Variants in DGKB observed in about 807,000 individuals in gnomAD.
DGKB encodes the protein diacylglycerol kinase beta, also known as 90 kDa diacylglycerol kinase.
DGKB carries 67 observed loss-of-function variants against 114.3 expected under a neutral mutation model. The ratio of observed to expected loss-of-function variants is 0.59; its 90% CI spans 0.48 to 0.72. The LOEUF is 0.72. Among genes scored for constraint, DGKB ranks in the 30% least tolerant of loss-of-function variants. The pLI, the probability that DGKB is intolerant of heterozygous loss-of-function variation, is 0.00. For missense variants in DGKB, 907 were observed against 975.2 expected (o/e 0.93, Z 0.93); for synonymous variants, 398 against 323.1 (o/e 1.23, Z -2.49).
At position 14,886,534 on chromosome 7, in the gene DGKB, C is replaced by T. The variant is rs143963289; in HGVS notation, c.-188+16058G>A. On this transcript the variant is annotated intron_variant, in intron 1 of 25. Coordinates refer to ENST00000402815, the MANE Select transcript of DGKB (RefSeq NM_001350709.2). Reference sequence around the variant, plus strand: ...GTTGCAAATACCAGAAGGCTAAAGGCCACTCTTGACTTTTCTACATCATTT... The same window carrying T: ...GTTGCAAATACCAGAAGGCTAAAGGTCACTCTTGACTTTTCTACATCATTT... 4.0e-3 allele frequency among the ~76,000 whole-genome samples: 602 copies of T among 151,988 alleles called. 4 individuals are homozygous for T. The highest frequency in any genetic ancestry group is 0.014 in the African/African-American group (573 of 41,486).
chr7:14,190,277 T>C (rs1784106087), intron 23 of DGKB, among the ~76,000 whole-genome samples: 1 of 152,144 alleles, frequency 6.6e-6, no homozygotes, highest in Admixed American at 6.5e-5. Flanking sequence ...TTAAACAACA[T>C]CCTTTTAGAT....
At chr7:14,200,145 A>G (rs1785616324) in intron 23 of DGKB, among the ~76,000 whole-genome samples, 1 of 152,058 alleles carries the variant, frequency 6.6e-6, no homozygotes, top group South Asian at 2.1e-4. Flanking sequence ...AGTTCTTTAA[A>G]GTTGTTTAGT....
At position 14,176,828 on chromosome 7, in the gene DGKB, T is replaced by G; in HGVS notation, c.2304+11A>C. 1.9e-6 allele frequency: 3 copies of G among 1,613,786 alleles called. No individual in the cohort carries two copies. In the South Asian group the frequency reaches 3.3e-5, roughly 18 times the overall value. On this transcript the variant is annotated intron_variant, in intron 25 of 25. Coordinates refer to ENST00000402815, the MANE Select transcript of DGKB (RefSeq NM_001350709.2). Reference sequence around the variant, plus strand: ...GAGATTGACATAGCATATCAACTACTCTGTACTCACTGTGCATGGGGTCTG... The same window carrying G: ...GAGATTGACATAGCATATCAACTACGCTGTACTCACTGTGCATGGGGTCTG...
At chr7:14,233,732 G>A (rs1792282138) in intron 23 of DGKB, among the ~76,000 whole-genome samples, 1 of 152,136 alleles carries the variant, frequency 6.6e-6, no homozygotes, top group South Asian at 2.1e-4. Flanking sequence ...GCATCATTGA[G>A]AACCAACTGT....
intron 2 of DGKB, among the ~76,000 whole-genome samples, chr7:14,778,225 G>A (rs745414093): frequency 3.3e-5 from 5 of 152,132 alleles, no homozygotes; most frequent in Non-Finnish European, 5.9e-5. Context: ...ACATTCCTTG[G>A]AACTTATTGT....
intron 20 of DGKB, among the ~76,000 whole-genome samples, chr7:14,549,869 T>C (rs1046807491): frequency 1.3e-5 from 2 of 151,972 alleles, no homozygotes; most frequent in Non-Finnish European, 2.9e-5. Context: ...GTGCCTGTAG[T>C]CCCAGCTGGT....
chr7:14,857,336 C>A (rs1288916414), intron 1 of DGKB, among the ~76,000 whole-genome samples: 1 of 149,934 alleles, frequency 6.7e-6, no homozygotes, highest in African/African-American at 2.5e-5. Context: ...GGAATACATT[C>A]TGTCAACAAC....
chr7:14,351,384 T>C (rs544114272), intron 21 of DGKB, among the ~76,000 whole-genome samples: 210 of 152,346 alleles, frequency 1.4e-3, no homozygotes, highest in African/African-American at 4.9e-3. Flanking sequence ...CCAGAGTAGC[T>C]GCAGCAGACA....
At chr7:14,510,036 C>A (rs1311957586) in intron 20 of DGKB, among the ~76,000 whole-genome samples, 1 of 152,030 alleles carries the variant, frequency 6.6e-6, no homozygotes, top group Non-Finnish European at 1.5e-5. Context: ...ATTAGCCCGG[C>A]GTGGCGGCGG....
chr7:14,500,435 T>C (rs548512888), intron 20 of DGKB, among the ~76,000 whole-genome samples: 33 of 151,480 alleles, frequency 2.2e-4, no homozygotes, highest in African/African-American at 7.5e-4. Flanking sequence ...GGAGTAAGGG[T>C]TTAAGATAAG....
chr7:14,753,244 C>T (rs923741779), intron 4 of DGKB, among the ~76,000 whole-genome samples: 2 of 152,236 alleles, frequency 1.3e-5, no homozygotes, highest in Non-Finnish European at 2.9e-5. Context: ...ATAACTCATA[C>T]ATTTTAGCAA....
chr7:14,658,821 A>AT (rs1168162105), intron 13 of DGKB, among the ~76,000 whole-genome samples: 1 of 151,938 alleles, frequency 6.6e-6, no homozygotes, highest in Non-Finnish European at 1.5e-5. Flanking sequence ...TTAAATATAC[A>AT]TTTTTCAAAT....
At chr7:14,449,201 G>A (rs1317256519) in intron 21 of DGKB, among the ~76,000 whole-genome samples, 1 of 152,046 alleles carries the variant, frequency 6.6e-6, no homozygotes, top group Non-Finnish European at 1.5e-5. Flanking sequence ...ATTTTAGTAA[G>A]TAATTTTTCC....
At chr7:14,313,633 G>C (rs544024858) in intron 23 of DGKB, among the ~76,000 whole-genome samples, 8 of 152,018 alleles carry the variant, frequency 5.3e-5, no homozygotes, top group South Asian at 2.1e-4. Flanking sequence ...AGGGTCCTAC[G>C]CCCACGGAGT....
At chr7:14,660,786 C>G (rs1208452420) in intron 13 of DGKB, among the ~76,000 whole-genome samples, 3 of 151,956 alleles carry the variant, frequency 2.0e-5, no homozygotes. Flanking sequence ...AGGCATCACA[C>G]TACCTGACTT....
chr7:14,537,918 T>C (rs962592703), intron 20 of DGKB, among the ~76,000 whole-genome samples: 1 of 151,976 alleles, frequency 6.6e-6, no homozygotes, highest in African/African-American at 2.4e-5. Context: ...CCGTCTCTAC[T>C]AATAATACAA....
At chr7:14,285,023 A>T (rs906157331) in intron 23 of DGKB, among the ~76,000 whole-genome samples, 36 of 72,934 alleles carry the variant, frequency 4.9e-4, no homozygotes, top group South Asian at 7.3e-4. Context: ...ATAAAAAAAT[A>T]AAAAAATAAT....
intron 23 of DGKB, among the ~76,000 whole-genome samples, chr7:14,321,664 T>G (rs2128536386): frequency 6.6e-6 from 1 of 151,926 alleles, no homozygotes; most frequent in East Asian, 1.9e-4. Flanking sequence ...CCATCATCAT[T>G]TATTGATGGC....
intron 6 of DGKB, among the ~76,000 whole-genome samples, chr7:14,709,968 A>T (rs1026055789): frequency 3.6e-5 from 5 of 139,832 alleles, no homozygotes; most frequent in Non-Finnish European, 6.1e-5. Context: ...AAGTATAATT[A>T]AAAAAAAAAA....
Sources: allele counts gnomAD v4.1 joint callset (sites outside exome capture counted in the v4.1 genomes callset), GRCh38; gene constraint gnomAD v4.1.1; transcripts MANE v1.5; gene names NCBI Gene and HGNC (gene_info 2026-07-23, HGNC 2026-07-21).